BOC: variants seen among roughly 807,000 people sequenced by gnomAD.
BOC encodes brother of CDO.
A neutral mutation model predicts 112.0 loss-of-function variants in BOC; 76 were observed. That is an observed-to-expected ratio of 0.68 (90% CI 0.56 to 0.82). The LOEUF is 0.82. Among genes scored for constraint, BOC ranks in the 40% least tolerant of loss-of-function variants. The probability of loss-of-function intolerance (pLI) is 0.00; values close to 1 mark genes in which losing one functional copy is unlikely to be tolerated. For synonymous variants in BOC, 580 were observed against 599.8 expected, an observed-to-expected ratio of 0.97 and a Z score of 0.48; for missense variants, 1,309 against 1,511.7, an observed-to-expected ratio of 0.87 and a Z score of 2.22.
intron 2 of BOC, among the ~76,000 whole-genome samples, chr3:113,219,397 C>G (rs764334728): frequency 8.7e-4 from 132 of 152,226 alleles, no homozygotes; most frequent in Non-Finnish European, 1.6e-3. Context: ...GCACTCCAAG[C>G]ATTATCCCTG....
intron 2 of BOC, among the ~76,000 whole-genome samples, chr3:113,227,997 C>T (rs1941948422): frequency 1.3e-5 from 2 of 152,130 alleles, no homozygotes; most frequent in African/African-American, 2.4e-5. Context: ...TACCACCTTC[C>T]AACAGTGAAG....
chr3:113,254,536 G>A (rs1415334181), intron 4 of BOC, among the ~76,000 whole-genome samples: 3 of 152,188 alleles, frequency 2.0e-5, no homozygotes, highest in African/African-American at 4.8e-5. Flanking sequence ...TGTTTTGCTG[G>A]TTGGCTGATG....
At chr3:113,252,857 G>A (rs572286080) in intron 4 of BOC, among the ~76,000 whole-genome samples, 14 of 152,278 alleles carry the variant, frequency 9.2e-5, no homozygotes, top group African/African-American at 3.1e-4. Context: ...GAGGCAGGCC[G>A]TGGGTGGCTA....
chr3:113,264,972 G>A (rs1947309493), intron 4 of BOC, among the ~76,000 whole-genome samples: 1 of 152,218 alleles, frequency 6.6e-6, no homozygotes, highest in Non-Finnish European at 1.5e-5. Flanking sequence ...AGGCTGTTGT[G>A]CACATGTTGG....
chr3:113,278,806 G>C lies in BOC; in HGVS notation c.1816+23G>C, dbSNP rs568724652. 2 of 1,546,280 alleles carry C rather than the reference G, an allele frequency of 1.3e-6. No homozygotes were observed. Among genetic ancestry groups the C allele is most frequent in the African/African-American group, 2.7e-5 (2 of 73,032 alleles). On this transcript the variant is annotated intron_variant, in intron 11 of 19. Coordinates refer to ENST00000682979, the MANE Select transcript of BOC (RefSeq NM_001378074.1). The surrounding 1 kb of genome is among the most constrained non-coding windows in gnomAD (Gnocchi z 4.2). ...CCCGTAAGCCGCTAGCAGCAGGGAC[G>C]GACGCGCAGTCAGGACTGGAACTGC...
rs147265202 is a variant in BOC at position 113,271,583 on chromosome 3, C to T, written c.667+639C>T. The T allele has an allele frequency of 1.2e-4, 23 of 198,520 alleles. No homozygotes were observed. The East Asian group carries it at 2.6e-3, about 23-fold the overall frequency. The allele number at this position is 198,520 out of a possible 1,614,324, so 12.3% of individuals were successfully genotyped here. On this transcript the variant is annotated intron_variant, in intron 6 of 19. Transcript: ENST00000682979. ...ATGAAGTTAAACTTCCATCGTCTTT[C>T]ACTCACTGACAGAAGCCTCACAAGG... is the stretch of plus-strand genomic sequence containing the variant.
At chr3:113,282,227 G>A (rs557700723) in intron 15 of BOC, among the ~76,000 whole-genome samples, 23 of 152,274 alleles carry the variant, frequency 1.5e-4, no homozygotes, top group South Asian at 1.2e-3. Flanking sequence ...GAGGAGGGCT[G>A]TCAGTGGATT....
chr3:113,259,857 G>T (rs866962191), intron 4 of BOC, among the ~76,000 whole-genome samples: 3 of 152,106 alleles, frequency 2.0e-5, no homozygotes, highest in Non-Finnish European at 4.4e-5. Context: ...TTTCCATCGC[G>T]CACTTTCTCC....
intron 2 of BOC, among the ~76,000 whole-genome samples, chr3:113,224,513 A>G (rs1296715812): frequency 7.0e-6 from 1 of 142,934 alleles, no homozygotes; most frequent in Non-Finnish European, 1.5e-5. Context: ...TTCCAAGCCC[A>G]CTCCAACTCT....
rs1949040632 is a variant in BOC at position 113,279,978 on chromosome 3, T to C, written c.2178T>C (p.Asn726=). 6.2e-7 allele frequency: 1 copy of C among 1,612,108 alleles called. No homozygotes were observed. Among genetic ancestry groups the C allele is most frequent in the Non-Finnish European group, 8.5e-7 (1 of 1,178,996 alleles). The change falls in exon 13 of 20, where the codon AAT becomes AAC. Residue 726 remains asparagine (N), a synonymous_variant. Coordinates refer to ENST00000682979, the MANE Select transcript of BOC (RefSeq NM_001378074.1). ...ATATCACCTTCACGGATGCGGTCAA[T>C]GAGACCACCATCATGCTCAAGTGGA... The part of the protein sequence containing the change: ...GPYITFTDAV[N]ETTIMLKWMY...
chr3:113,286,592 A>G, intron 19 of BOC, 83 bp from the exon 20 acceptor site: 1 of 1,222,156 alleles, frequency 8.2e-7, no homozygotes. Flanking sequence ...CCTCCACCAC[A>G]GATAGAGATT....
intron 9 of BOC, among the ~76,000 whole-genome samples, chr3:113,275,114 G>A (rs1199383732): frequency 6.6e-6 from 1 of 152,214 alleles, no homozygotes; most frequent in African/African-American, 2.4e-5. Context: ...ACCCTGGCAT[G>A]GTAAGCCAGC....
chr3:113,280,931 C>A, intron 14 of BOC, 100 bp from the exon 15 acceptor site: 1 of 1,498,988 alleles, frequency 6.7e-7, no homozygotes, highest in Non-Finnish European at 9.1e-7. Flanking sequence ...TCAGTGGCAT[C>A]CTCCCCCACA....
chr3:113,260,382 T>G (rs1289472517), intron 4 of BOC, among the ~76,000 whole-genome samples: 1 of 152,106 alleles, frequency 6.6e-6, no homozygotes, highest in Non-Finnish European at 1.5e-5. Context: ...AAGAAAGACT[T>G]AGAAAAATTG....
Position 113,240,776 on chromosome 3 carries a change from C to T in BOC, c.-81-8946C>T, listed in dbSNP as rs541636123. Among the ~76,000 whole-genome samples the T allele has an allele frequency of 2.6e-5, 4 of 152,196 alleles. No individual in the cohort carries two copies. In the East Asian group the frequency reaches 7.7e-4, roughly 29 times the overall value. On this transcript the variant is annotated intron_variant, in intron 2 of 19. Transcript: ENST00000682979. The stretch of plus-strand genomic sequence containing the variant: ...AGATGGGAGAAGTTTACTGTGTTTC[C>T]TTCCTACATTCCCTGCTCCTCCTTC...
chr3:113,262,619 G>A (rs1031498724), intron 4 of BOC, among the ~76,000 whole-genome samples: 10 of 152,198 alleles, frequency 6.6e-5, no homozygotes, highest in African/African-American at 2.4e-4. Context: ...CTCACCAGGT[G>A]CCAGGCTTTC....
intron 4 of BOC, among the ~76,000 whole-genome samples, chr3:113,266,949 C>A (rs1450190018): frequency 6.6e-6 from 1 of 152,140 alleles, no homozygotes; most frequent in Non-Finnish European, 1.5e-5. Flanking sequence ...TGTTTTTGGT[C>A]ATTATCTCTT....
intron 19 of BOC, 95 bp downstream of exon 19, chr3:113,285,660 G>A (rs1949613875): frequency 1.6e-6 from 2 of 1,261,964 alleles, no homozygotes; most frequent in East Asian, 2.6e-5. Flanking sequence ...CAAAGGTGGG[G>A]CTTGGTAAGG....
intron 9 of BOC, among the ~76,000 whole-genome samples, chr3:113,277,270 A>C (rs769719436): frequency 4.1e-4 from 62 of 152,172 alleles, no homozygotes; most frequent in Non-Finnish European, 1.3e-4. Context: ...CACTTTATAC[A>C]ACTTCTCTCA....
Sources: gnomAD v4.1 joint callset for allele counts (sites outside exome capture counted in the v4.1 genomes callset) on GRCh38, gnomAD v4.1.1 for gene constraint, Gnocchi (gnomAD v3.1) non-coding constraint, MANE v1.5 for transcripts, NCBI Gene and HGNC (gene_info 2026-07-23, HGNC 2026-07-21) for gene names.